PTPRN2: variants seen among roughly 807,000 people sequenced by gnomAD.
PTPRN2 encodes the protein receptor-type tyrosine-protein phosphatase N2.
A neutral mutation model predicts 118.8 loss-of-function variants in PTPRN2; 74 were observed. That is an observed-to-expected ratio of 0.62 (90% CI 0.52 to 0.76). PTPRN2 has a LOEUF of 0.76. Ranked by LOEUF, PTPRN2 falls within the 30% of genes least tolerant of loss-of-function variation. The pLI is 0.00. For synonymous variants in PTPRN2, 641 were observed against 608.0 expected (o/e 1.05, Z -0.80); for missense variants, 1,481 against 1,394.4 (o/e 1.06, Z -0.99).
At chr7:158,267,887 A>C (rs1208779448) in intron 3 of PTPRN2, among the ~76,000 whole-genome samples, 1 of 151,858 alleles carries the variant, frequency 6.6e-6, no homozygotes, top group Non-Finnish European at 1.5e-5. Flanking sequence ...ACTGTTTCCT[A>C]CCTCCTTCAC....
chr7:158,369,862 T>TA (rs1212110482), intron 2 of PTPRN2, among the ~76,000 whole-genome samples: 3 of 151,968 alleles, frequency 2.0e-5, no homozygotes, highest in Non-Finnish European at 4.4e-5. Flanking sequence ...ATGACAACCA[T>TA]AAAAAGCAAG....
chr7:158,475,514 C>T (rs1323991118), intron 2 of PTPRN2, among the ~76,000 whole-genome samples: 1 of 152,162 alleles, frequency 6.6e-6, no homozygotes, highest in Non-Finnish European at 1.5e-5. Flanking sequence ...AGGACGGGCC[C>T]ACTCAGCAGA....
chr7:158,240,265 GA>G (rs1795833347), intron 3 of PTPRN2, among the ~76,000 whole-genome samples: 1 of 152,144 alleles, frequency 6.6e-6, no homozygotes, highest in Non-Finnish European at 1.5e-5. Context: ...AAGAGAGAGA[GA>G]GAGAGAAAGC....
At chr7:158,488,839 C>T (rs1193081030) in intron 2 of PTPRN2, among the ~76,000 whole-genome samples, 1 of 152,256 alleles carries the variant, frequency 6.6e-6, no homozygotes, top group Non-Finnish European at 1.5e-5. Flanking sequence ...GCGCCCCGGG[C>T]CCACACGCAG....
intron 12 of PTPRN2, among the ~76,000 whole-genome samples, chr7:157,742,084 ATCTC>A (rs559501154): frequency 1.3e-5 from 2 of 152,228 alleles, no homozygotes; most frequent in Non-Finnish European, 2.9e-5. Flanking sequence ...TTCTAGATGT[ATCTC>A]TCTACGGTGA....
intron 10 of PTPRN2, among the ~76,000 whole-genome samples, chr7:158,103,076 G>C (rs1456943490): frequency 6.6e-6 from 1 of 152,188 alleles, no homozygotes; most frequent in African/African-American, 2.4e-5. Flanking sequence ...ACCCGTCCCT[G>C]TCTGACAGCA....
Position 157,784,067 on chromosome 7 carries a change from G to A in PTPRN2, c.1789-101130C>T, listed in dbSNP as rs535671718. Among the ~76,000 whole-genome samples, 37 of 152,322 alleles carry A rather than the reference G, an allele frequency of 2.4e-4. No homozygotes were observed. Among genetic ancestry groups the A allele is most frequent in the Middle Eastern group, 3.4e-3 (1 of 294 alleles). On this transcript the variant is annotated intron_variant, in intron 12 of 22. Transcript: ENST00000389418. This position sits in a 1 kb window ranked among gnomAD's most constrained non-coding sequence, Gnocchi z 4.6. Reference sequence around the variant, plus strand: ...CTCTCAAGGTAGAGACACTCATGGTGTAAGTGCAGAGGAGGAGAAGGAAGC... The same window carrying A: ...CTCTCAAGGTAGAGACACTCATGGTATAAGTGCAGAGGAGGAGAAGGAAGC...
intron 12 of PTPRN2, among the ~76,000 whole-genome samples, chr7:157,751,234 G>T (rs184918357): frequency 6.6e-6 from 1 of 152,182 alleles, no homozygotes; most frequent in African/African-American, 2.4e-5. Context: ...TGGATGGGGG[G>T]CACAAGGCAA....
intron 12 of PTPRN2, among the ~76,000 whole-genome samples, chr7:157,879,152 G>A (rs1223283135): frequency 1.4e-5 from 2 of 144,630 alleles, no homozygotes; most frequent in African/African-American, 2.7e-5. Context: ...GGGGCTGGAC[G>A]GGTCAGTGTG....
intron 12 of PTPRN2, among the ~76,000 whole-genome samples, chr7:157,835,443 G>C (rs1030440446): frequency 1.3e-5 from 2 of 152,144 alleles, no homozygotes; most frequent in African/African-American, 4.8e-5. Context: ...GTTCACAACC[G>C]AACCCGCAAA....
chr7:158,532,646 G>A (rs12670231), intron 1 of PTPRN2: 241,834 of 486,118 alleles, frequency 0.5, 61,948 homozygotes, highest in South Asian at 0.66. Flanking sequence ...TCAAAAACCC[G>A]GGACATGATG....
rs574345680 is a variant in PTPRN2, at chr7:157,613,063, G to A, written c.2344+8299C>T. ...CTGGGTGGCCGGAGGAGGAGGCAGG[G>A]AGAGCCCTGCGGCTGAACAGGGCAG... On this transcript the variant is annotated intron_variant, in intron 15 of 22. Coordinates refer to ENST00000389418, the MANE Select transcript of PTPRN2 (RefSeq NM_002847.5). 5.3e-5 allele frequency among the ~76,000 whole-genome samples: 8 copies of A among 152,238 alleles called. No homozygotes were observed. The East Asian group carries it at 1.4e-3, about 26-fold the overall frequency.
At chr7:158,259,796 G>A (rs184538904) in intron 3 of PTPRN2, among the ~76,000 whole-genome samples, 1 of 145,554 alleles carries the variant, frequency 6.9e-6, no homozygotes, top group African/African-American at 2.5e-5. Context: ...TGGTATACAC[G>A]TATTTGTCCA....
At chr7:157,650,159 C>T (rs1247885218) in intron 14 of PTPRN2, among the ~76,000 whole-genome samples, 1 of 152,218 alleles carries the variant, frequency 6.6e-6, no homozygotes, top group East Asian at 1.9e-4. Context: ...CCCAGCTTTC[C>T]CCTTCCCTGC....
chr7:157,542,523 T>C (rs221258), intron 22 of PTPRN2, among the ~76,000 whole-genome samples: 76,072 of 151,398 alleles, frequency 0.5, 19,337 homozygotes, highest in South Asian at 0.65. Context: ...GTGCTAATCC[T>C]GCAGAGCTGC....
intron 12 of PTPRN2, among the ~76,000 whole-genome samples, chr7:157,817,896 G>A (rs1719847275): frequency 6.6e-6 from 1 of 151,944 alleles, no homozygotes; most frequent in African/African-American, 2.4e-5. Flanking sequence ...GGTGTGTGTA[G>A]TGAGATGTGT....
At chr7:158,276,241 C>CCCAACA (rs1563076928) in intron 3 of PTPRN2, among the ~76,000 whole-genome samples, 39 of 32,944 alleles carry the variant, frequency 1.2e-3, no homozygotes, top group African/African-American at 2.5e-3. Flanking sequence ...CCCCACATCC[C>CCCAACA]GGTCCTGGTA....
rs186583672 is a variant in PTPRN2 at position 158,505,334 on chromosome 7, C to T, written c.113-15549G>A. Among the ~76,000 whole-genome samples the T allele has an allele frequency of 1.5e-3, 223 of 152,294 alleles. 1 individual carries two copies. The highest frequency in any genetic ancestry group is 5.7e-4 in the Non-Finnish European group (39 of 68,020). The stretch of plus-strand genomic sequence containing the variant: ...GCTGCCACCTCCAGAACCACCAAGA[C>T]GGAGTAAAAGCTTTTCGTTCCATGT... On this transcript the variant is annotated intron_variant, in intron 1 of 22. Transcript: ENST00000389418.
rs182572204 is a variant in PTPRN2, at chr7:158,123,913, C to G, written c.1556+9764G>C. On this transcript the variant is annotated intron_variant, in intron 9 of 22. Transcript: ENST00000389418. ...CGTGCCGACCCAGGCGGAACAGGCT[C>G]TCTAACCTGATTTGACCTCAGATCC... is the stretch of plus-strand genomic sequence containing the variant. Among the ~76,000 whole-genome samples, 399 of 152,092 alleles carry G rather than the reference C, an allele frequency of 2.6e-3. 1 individual carries two copies. Among genetic ancestry groups the G allele is most frequent in the African/African-American group, 8.7e-3 (363 of 41,494 alleles).
Sources: gnomAD v4.1 joint callset for allele counts (sites outside exome capture counted in the v4.1 genomes callset) on GRCh38, gnomAD v4.1.1 for gene constraint, Gnocchi (gnomAD v3.1) non-coding constraint, MANE v1.5 for transcripts, NCBI Gene and HGNC (gene_info 2026-07-23, HGNC 2026-07-21) for gene names.